The following SLC25A12 variants were observed in gnomAD, a reference collection of about 807,000 sequenced individuals.
SLC25A12 encodes the protein solute carrier family 25 member 12.
A neutral mutation model predicts 83.3 loss-of-function variants in SLC25A12; 32 were observed. That is an observed-to-expected ratio of 0.38 (90% confidence interval 0.29 to 0.52). The LOEUF is 0.52. Ranked by LOEUF, SLC25A12 falls within the 20% of genes least tolerant of loss-of-function variation. The pLI, the probability that SLC25A12 is intolerant of heterozygous loss-of-function variation, is 0.84. For missense variants in SLC25A12, 611 were observed against 835.6 expected (o/e 0.73, Z 3.31); for synonymous variants, 267 against 291.1 (o/e 0.92, Z 0.84).
At chr2:171,839,520 C>T (rs1684628784) in intron 5 of SLC25A12, among the ~76,000 whole-genome samples, 1 of 152,150 alleles carries the variant, frequency 6.6e-6, no homozygotes, top group African/African-American at 2.4e-5. Context: ...ATTAGCAGAG[C>T]TTCAGAAACA....
chr2:171,858,286 G>C (rs1685085307), intron 3 of SLC25A12, among the ~76,000 whole-genome samples: 1 of 152,032 alleles, frequency 6.6e-6, no homozygotes, highest in Admixed American at 6.6e-5. Flanking sequence ...TTGATACAAG[G>C]ATTTTCTATA....
chr2:171,837,668 G>A (rs940507046), intron 5 of SLC25A12, among the ~76,000 whole-genome samples: 2 of 152,092 alleles, frequency 1.3e-5, no homozygotes, highest in Admixed American at 6.5e-5. Context: ...CATGAATTAA[G>A]AGTTTAGATT....
chr2:171,833,777 G>T (rs1165456891), intron 8 of SLC25A12, among the ~76,000 whole-genome samples, 186 bp downstream of exon 8: 1 of 148,952 alleles, frequency 6.7e-6, no homozygotes, highest in Non-Finnish European at 1.5e-5. Context: ...CCCTCTGTCT[G>T]TCTTCCTGTG....
At chr2:171,843,856 T>G (rs984070153) in intron 5 of SLC25A12, among the ~76,000 whole-genome samples, 1 of 135,782 alleles carries the variant, frequency 7.4e-6, no homozygotes, top group Non-Finnish European at 1.5e-5. Flanking sequence ...AGTGCAGTGG[T>G]GTGATCCCAG....
intron 9 of SLC25A12, among the ~76,000 whole-genome samples, chr2:171,817,121 G>A (rs1684068654): frequency 6.6e-6 from 1 of 152,022 alleles, no homozygotes; most frequent in South Asian, 2.1e-4. Context: ...TAACTGAATC[G>A]GCCAGCACCT....
Position 171,793,631 on chromosome 2 carries a change from T to C in SLC25A12, c.1442A>G (p.Tyr481Cys). ...TTATAACCTAAACCTACCCACCTTA[T>C]ACAGACCAAAAATTCCCAAGTCCCG... The part of the protein sequence containing the change: ...VLRDLGIFGL[Y>C]KGAKACFLRD... The change falls in exon 14 of 18, where the codon TAT becomes TGT. Residue 481 changes from tyrosine (Y) to cysteine (C), a missense_variant. By Grantham distance (194) the Tyr-to-Cys change is radical. This residue lies in a region of SLC25A12 where 540 missense variants were observed against 777.5 expected (regional missense o/e 0.69). Transcript: ENST00000422440. 1.2e-6 allele frequency: 2 copies of C among 1,614,188 alleles called. No individual in the cohort carries two copies. The highest frequency in any genetic ancestry group is 1.7e-6 in the Non-Finnish European group (2 of 1,180,030).
chr2:171,808,621 G>A (rs957541909), intron 13 of SLC25A12, among the ~76,000 whole-genome samples: 1 of 152,124 alleles, frequency 6.6e-6, no homozygotes, highest in Non-Finnish European at 1.5e-5. Context: ...AAAAGGCATA[G>A]GAATTAGAAC....
At chr2:171,806,350 G>C (rs541440245) in intron 13 of SLC25A12, among the ~76,000 whole-genome samples, 1 of 152,282 alleles carries the variant, frequency 6.6e-6, no homozygotes, top group African/African-American at 2.4e-5. Context: ...AGCTACTAGG[G>C]AGGCTGAGGC....
rs1294867148 is a variant in SLC25A12, at chr2:171,803,792, T to A, written c.1305+5814A>T. Among the ~76,000 whole-genome samples the A allele has an allele frequency of 2.1e-5, 3 of 140,536 alleles. No individual in the cohort carries two copies. In the Admixed American group the frequency reaches 2.2e-4, roughly 10 times the overall value. The allele number at this position is 140,536 out of a possible 152,430, so 92.2% of individuals were successfully genotyped here. Reference sequence around the variant, plus strand: ...CAGCTTGGGCAACATAGTGAGACGCTACCATTATTTAAAAAAATACACACA... The same window carrying A: ...CAGCTTGGGCAACATAGTGAGACGCAACCATTATTTAAAAAAATACACACA... On this transcript the variant is annotated intron_variant, in intron 13 of 17. Transcript: ENST00000422440.
At chr2:171,796,886 C>A (rs1683608051) in intron 13 of SLC25A12, among the ~76,000 whole-genome samples, 1 of 152,208 alleles carries the variant, frequency 6.6e-6, no homozygotes, top group Admixed American at 6.5e-5. Flanking sequence ...TGACCACTCT[C>A]TCTATCCTAC....
At chr2:171,809,567 ATGTATTT>A in intron 13 of SLC25A12, 32 bp downstream of exon 13, 1 of 1,461,300 alleles carries the variant, frequency 6.8e-7, no homozygotes, top group East Asian at 2.3e-5. Flanking sequence ...GGTCAACGGA[ATGTATTT>A]GTCACAAGAA....
In SLC25A12 at chr2:171,812,070, CT is replaced by C. The variant is rs1683956531; in HGVS notation, c.1171+1268del. Among the ~76,000 whole-genome samples the C allele has an allele frequency of 3.9e-5, 6 of 152,148 alleles. No homozygotes were observed. The South Asian group carries it at 1.2e-3, about 32-fold the overall frequency. ...TGTACGCCTTTCCACAGGGTACATG[CT>C]GTACAGGTGGAATTCAAAGAGACTA... is the stretch of plus-strand genomic sequence containing the variant. On this transcript the variant is annotated intron_variant, in intron 11 of 17. Transcript: ENST00000422440.
At chr2:171,790,658 A>C (rs1683433950) in intron 15 of SLC25A12, among the ~76,000 whole-genome samples, 2 of 152,230 alleles carry the variant, frequency 1.3e-5, no homozygotes, top group African/African-American at 4.8e-5. Context: ...TCAAGAAGCT[A>C]TTAGCCTAGT....
At chr2:171,841,788 A>G (rs76570402) in intron 5 of SLC25A12, among the ~76,000 whole-genome samples, 1 of 152,228 alleles carries the variant, frequency 6.6e-6, no homozygotes, top group Non-Finnish European at 1.5e-5. Context: ...AAAAGAAGAG[A>G]TAAAATGCAG....
chr2:171,806,918 A>C (rs1014336687), intron 13 of SLC25A12, among the ~76,000 whole-genome samples: 3 of 152,196 alleles, frequency 2.0e-5, no homozygotes, highest in Admixed American at 2.0e-4. Flanking sequence ...CACTCTTCAC[A>C]GTGTTAATCT....
chr2:171,825,478 A>C (rs1684280105), intron 9 of SLC25A12, among the ~76,000 whole-genome samples: 1 of 152,242 alleles, frequency 6.6e-6, no homozygotes, highest in Admixed American at 6.5e-5. Flanking sequence ...GTGAACAATA[A>C]CAGCAAGCCA....
At chr2:171,798,564 T>C (rs1683646259) in intron 13 of SLC25A12, among the ~76,000 whole-genome samples, 1 of 152,168 alleles carries the variant, frequency 6.6e-6, no homozygotes, top group African/African-American at 2.4e-5. Flanking sequence ...ATGAACACAG[T>C]ATGTGCGTAT....
At chr2:171,871,772 T>A (rs2105920213) in intron 2 of SLC25A12, 1 of 982,838 alleles carries the variant, frequency 1.0e-6, no homozygotes, top group Admixed American at 6.1e-5. Flanking sequence ...GTTCCATGGC[T>A]TGCAGAATAA....
chr2:171,809,595 G>A lies in SLC25A12; in HGVS notation c.1305+11C>T, dbSNP rs377429373. The A allele has an allele frequency of 3.7e-5, 59 of 1,606,158 alleles. No individual in the cohort carries two copies. The highest frequency in any genetic ancestry group is 4.6e-5 in the Non-Finnish European group (54 of 1,172,906). On this transcript the variant is annotated intron_variant, in intron 13 of 17. Transcript: ENST00000422440. ...TATTTGTCACAAGAAGCGCCTAACA[G>A]TAATACTTACACAGCCTCCAGCAAG...
Sources: gnomAD v4.1 joint callset for allele counts (sites outside exome capture counted in the v4.1 genomes callset) on GRCh38, gnomAD v4.1.1 for gene constraint, gnomAD v4.1.1 regional missense constraint, MANE v1.5 for transcripts, NCBI Gene and HGNC (gene_info 2026-07-23, HGNC 2026-07-21) for gene names.